The following ZNF385D variants were observed in gnomAD, a reference collection of about 807,000 sequenced individuals.
ZNF385D encodes zinc finger protein 385D.
Under a neutral mutation model 35.8 loss-of-function variants are expected in ZNF385D, and 15 were observed. That is an observed-to-expected ratio of 0.42 (90% confidence interval 0.28 to 0.64). The LOEUF is 0.64. ZNF385D is among the 30% of genes least tolerant of loss of function. ZNF385D has a pLI of 0.23. For missense variants in ZNF385D, 474 were observed against 494.6 expected (o/e 0.96, Z 0.39); for synonymous variants, 212 against 186.8 (o/e 1.13, Z -1.10).
At chr3:21,911,642 G>T (rs1456983276) in intron 3 of ZNF385D, among the ~76,000 whole-genome samples, 1 of 151,816 alleles carries the variant, frequency 6.6e-6, no homozygotes, top group African/African-American at 2.4e-5. Context: ...TTGAGAAATA[G>T]TAGCTATATT....
intron 3 of ZNF385D, among the ~76,000 whole-genome samples, chr3:22,009,829 A>G (rs558307545): frequency 3.8e-4 from 57 of 151,106 alleles, no homozygotes; most frequent in African/African-American, 1.3e-3. Context: ...AGCATTTGTA[A>G]TGTTTTATTT....
intron 2 of ZNF385D, among the ~76,000 whole-genome samples, chr3:22,214,859 T>G (rs1697760221): frequency 6.6e-6 from 1 of 151,662 alleles, no homozygotes; most frequent in Non-Finnish European, 1.5e-5. Flanking sequence ...CTGCCTCCAT[T>G]TGCCTTGTGA....
chr3:21,964,430 A>T (rs1559797031), intron 3 of ZNF385D, among the ~76,000 whole-genome samples: 1 of 78,666 alleles, frequency 1.3e-5, no homozygotes, highest in Non-Finnish European at 2.0e-5. Flanking sequence ...AAAAAAAAAA[A>T]AAGAAAAAAA....
intron 2 of ZNF385D, among the ~76,000 whole-genome samples, chr3:22,364,175 A>G (rs1696545111): frequency 6.6e-6 from 1 of 152,098 alleles, no homozygotes; most frequent in South Asian, 2.1e-4. Context: ...TAAACCCATT[A>G]TTTTAAACAA....
intron 4 of ZNF385D, among the ~76,000 whole-genome samples, chr3:21,478,770 A>G (rs536090221): frequency 1.3e-5 from 2 of 152,274 alleles, no homozygotes; most frequent in Non-Finnish European, 1.5e-5. Flanking sequence ...ATTCAAGTTT[A>G]TGACTATCTT....
At chr3:22,234,179 T>C (rs1377336531) in intron 2 of ZNF385D, among the ~76,000 whole-genome samples, 3 of 152,148 alleles carry the variant, frequency 2.0e-5, no homozygotes, top group Non-Finnish European at 4.4e-5. Flanking sequence ...ACTCATCATA[T>C]TCAACTGGAC....
chr3:21,541,355 A>G (rs1475559012), intron 3 of ZNF385D, among the ~76,000 whole-genome samples: 4 of 152,184 alleles, frequency 2.6e-5, no homozygotes, highest in African/African-American at 9.7e-5. Context: ...GCTTAATACT[A>G]CTGTGAGCCT....
intron 2 of ZNF385D, among the ~76,000 whole-genome samples, chr3:22,250,964 G>T (rs1700031315): frequency 6.6e-6 from 1 of 151,924 alleles, no homozygotes; most frequent in South Asian, 2.1e-4. Flanking sequence ...ACGTTTCTCT[G>T]CCCATCTAAA....
intron 2 of ZNF385D, among the ~76,000 whole-genome samples, chr3:22,275,732 T>C (rs779005363): frequency 2.0e-5 from 3 of 152,128 alleles, no homozygotes; most frequent in Non-Finnish European, 2.9e-5. Context: ...AAGAGTTTCA[T>C]GGCAAAACTC....
At chr3:22,036,677 T>A (rs563224713) in intron 3 of ZNF385D, among the ~76,000 whole-genome samples, 201 of 149,584 alleles carry the variant, frequency 1.3e-3, no homozygotes, top group Non-Finnish European at 2.1e-3. Flanking sequence ...TCTTTTAGAA[T>A]ACAATACGAG....
chr3:21,758,504 G>C (rs1410583664), intron 3 of ZNF385D, among the ~76,000 whole-genome samples: 1 of 152,152 alleles, frequency 6.6e-6, no homozygotes, highest in Non-Finnish European at 1.5e-5. Flanking sequence ...CATCAGGCAA[G>C]AGACACATCA....
At chr3:22,290,261 T>G (rs1242989532) in intron 2 of ZNF385D, among the ~76,000 whole-genome samples, 1 of 152,146 alleles carries the variant, frequency 6.6e-6, no homozygotes, top group Non-Finnish European at 1.5e-5. Context: ...TGCCTGAATG[T>G]GCCTCAGCTT....
intron 2 of ZNF385D, among the ~76,000 whole-genome samples, chr3:22,355,107 G>A (rs1696090209): frequency 6.6e-6 from 1 of 152,012 alleles, no homozygotes; most frequent in South Asian, 2.1e-4. Flanking sequence ...AATGTCAATA[G>A]ATGTATTTTC....
chr3:21,502,790 C>A (rs2125443738), intron 4 of ZNF385D, among the ~76,000 whole-genome samples: 1 of 152,276 alleles, frequency 6.6e-6, no homozygotes, highest in South Asian at 2.1e-4. Context: ...GAAGGGAACA[C>A]TTGATAAAAT....
chr3:22,019,561 T>C (rs553276309), intron 3 of ZNF385D, among the ~76,000 whole-genome samples: 25 of 152,068 alleles, frequency 1.6e-4, no homozygotes, highest in Non-Finnish European at 3.2e-4. Flanking sequence ...CAAATGATGA[T>C]CAGACTAATT....
At position 21,415,640 on chromosome 3, in the gene ZNF385D, C is replaced by T. The variant is rs1700552735; in HGVS notation, c.*5574G>A. 1 of 152,030 alleles carries T rather than the reference C, an allele frequency of 6.6e-6. No homozygotes were observed. Among genetic ancestry groups the T allele is most frequent in the Non-Finnish European group, 1.5e-5 (1 of 67,994 alleles). The allele number at this position is 152,030 out of a possible 1,614,324, so 9.4% of individuals were successfully genotyped here. ...ATTAACCTTAGAACTCGTCACTATA[C>T]TATTACTTATTTTTAATTATACTTC... On this transcript the variant is annotated 3_prime_UTR_variant, in exon 8 of 8. Transcript: ENST00000281523.
At chr3:21,720,553 C>CA (rs890815488) in intron 1 of ZNF385D, among the ~76,000 whole-genome samples, 2 of 151,764 alleles carry the variant, frequency 1.3e-5, no homozygotes, top group South Asian at 2.1e-4. Context: ...GACCCTGTCT[C>CA]AAAAAAAATG....
At chr3:21,918,432 T>A (rs1292716462) in intron 3 of ZNF385D, among the ~76,000 whole-genome samples, 1 of 140,756 alleles carries the variant, frequency 7.1e-6, no homozygotes, top group East Asian at 2.1e-4. Context: ...GTAGGGACTT[T>A]TAAGTGAAGA....
rs28715910 is a variant in ZNF385D, at chr3:21,643,389, A to T, written c.165+21497T>A. ...TGTGATTTTTGGAGAAAATAGGCAAAAGGAAACTTGTTCCAGCTGTATCCT... is the reference window on the plus strand; with the variant it reads ...TGTGATTTTTGGAGAAAATAGGCAATAGGAAACTTGTTCCAGCTGTATCCT... On this transcript the variant is annotated intron_variant, in intron 2 of 7. Transcript: ENST00000281523. Among the ~76,000 whole-genome samples the T allele has an allele frequency of 4.5e-3, 687 of 152,238 alleles. 8 individuals carry two copies. The highest frequency in any genetic ancestry group is 0.016 in the African/African-American group (648 of 41,556).
Sources: allele counts gnomAD v4.1 joint callset (sites outside exome capture counted in the v4.1 genomes callset), GRCh38; gene constraint gnomAD v4.1.1; transcripts MANE v1.5; gene names NCBI Gene and HGNC (gene_info 2026-07-23, HGNC 2026-07-21).